DPP9: variants seen among roughly 807,000 people sequenced by gnomAD.
The protein encoded by DPP9 is dipeptidyl peptidase IV-related protein-2.
DPP9 carries 50 observed loss-of-function variants against 110.7 expected under a neutral mutation model. The ratio of observed to expected loss-of-function variants is 0.45; its 90% CI spans 0.36 to 0.57. The LOEUF (loss-of-function observed/expected upper bound fraction) is 0.57, where lower values mean the gene tolerates loss of function less well. Among genes scored for constraint, DPP9 ranks in the 20% least tolerant of loss-of-function variants. The pLI is 0.00. For synonymous variants in DPP9, 561 were observed against 514.4 expected (o/e 1.09, Z -1.23); for missense variants, 1,022 against 1,217.9 (o/e 0.84, Z 2.39).
At position 4,705,961 on chromosome 19, in the gene DPP9, T is replaced by C; in HGVS notation, c.323A>G (p.Tyr108Cys). The C allele has an allele frequency of 6.2e-7, 1 of 1,613,390 alleles. No homozygotes were observed. The highest frequency in any genetic ancestry group is 8.5e-7 in the Non-Finnish European group (1 of 1,179,506). Residue 108 changes from tyrosine to cysteine, a missense_variant, in exon 5 of 22, where the codon TAT becomes TGT. This residue lies in a region of DPP9 where 810 missense variants were observed against 920.6 expected (regional missense o/e 0.88). Transcript: ENST00000262960. ...SHRLYYLGMPYGSRENSLLYS... is the reference protein window; with the variant it reads ...SHRLYYLGMPCGSRENSLLYS... ...GAGGAGGGAGTTCTCTCGGCTGCCATATGGCATTCCTAAAGGGAGAAAGGA... is the reference window on the plus strand; with the variant it reads ...GAGGAGGGAGTTCTCTCGGCTGCCACATGGCATTCCTAAAGGGAGAAAGGA...
chr19:4,715,220 A>G (rs2093025343), intron 3 of DPP9, among the ~76,000 whole-genome samples: 1 of 151,728 alleles, frequency 6.6e-6, no homozygotes, highest in African/African-American at 2.4e-5. Context: ...ACAGGGTTTC[A>G]CTATGTTGGT....
chr19:4,713,305 G>A (rs963337226), intron 4 of DPP9, among the ~76,000 whole-genome samples: 1 of 152,214 alleles, frequency 6.6e-6, no homozygotes, highest in African/African-American at 2.4e-5. Context: ...AAGGCCTCTG[G>A]GTGCAGTGGG....
rs1488742007 is a variant in DPP9 at position 4,689,054 on chromosome 19, A to C, written c.1750-162T>G. Among the ~76,000 whole-genome samples the C allele has an allele frequency of 1.6e-5, 2 of 128,352 alleles. No individual in the cohort carries two copies. The highest frequency in any genetic ancestry group is 5.8e-5 in the African/African-American group (2 of 34,478). The allele number at this position is 128,352 out of a possible 152,430, so 84.2% of individuals were successfully genotyped here. A position where few individuals can be genotyped will look rare whatever the true frequency, so the allele number is the denominator to read the frequency against. ...CTCCACCCGCTGCTGCAAGGGGGGC[A>C]CCACTGCCATCGCCCCATTCTGCAG... is the stretch of plus-strand genomic sequence containing the variant. On this transcript the variant is annotated intron_variant, in intron 15 of 21. Transcript: ENST00000262960. This position sits in a 1 kb window ranked among gnomAD's most constrained non-coding sequence, Gnocchi z 7.0.
At chr19:4,705,091 G>A (rs1198508713) in intron 5 of DPP9, among the ~76,000 whole-genome samples, 1 of 152,210 alleles carries the variant, frequency 6.6e-6, no homozygotes, top group East Asian at 1.9e-4. Context: ...TCAGAGACAG[G>A]CCAAAGTGAG....
chr19:4,710,796 TG>T lies in DPP9; in HGVS notation c.313+3284del, dbSNP rs1428834575. 6.6e-6 allele frequency among the ~76,000 whole-genome samples: 1 copy of T among 152,074 alleles called. No individual in the cohort carries two copies. Among genetic ancestry groups the T allele is most frequent in the Non-Finnish European group, 1.5e-5 (1 of 68,000 alleles). On this transcript the variant is annotated intron_variant, in intron 4 of 21. Coordinates refer to ENST00000262960, the MANE Select transcript of DPP9 (RefSeq NM_139159.5). The surrounding 1 kb of genome is among the most constrained non-coding windows in gnomAD (Gnocchi z 5.6). ...CCCCTGACAGTGTGAAGTGACAGCC[TG>T]GAGTCGTTGAAGGGTGAATTTCACC... is the stretch of plus-strand genomic sequence containing the variant.
At chr19:4,683,316 G>C in intron 19 of DPP9, 161 bp downstream of exon 19, 1 of 1,454,124 alleles carries the variant, frequency 6.9e-7, no homozygotes, top group Non-Finnish European at 9.0e-7. Context: ...GCTCGGCCCC[G>C]TGGGGCTGCT....
Position 4,695,543 on chromosome 19 carries a change from CAT to C in DPP9, c.1186_1187del (p.Met396ValfsTer26). 6.7e-7 allele frequency: 1 copy of C among 1,493,310 alleles called. No individual in the cohort carries two copies. The highest frequency in any genetic ancestry group is 8.9e-7 in the Non-Finnish European group (1 of 1,123,868). 92.5% of individuals were successfully genotyped at this position (1,493,310 alleles called of 1,614,324 possible). ...GCCACTGCTGGGGCCGGTCCAGGAA[CAT>C]GGCCCAGGCGCTAAGGGGGAAGATG... ...WTRDGKYAWA[M>X]FLDRPQQWLQ... On this transcript the variant is annotated frameshift_variant, in exon 12 of 22. Transcript: ENST00000262960. LOFTEE classifies it high-confidence loss of function. The surrounding 1 kb of genome is among the most constrained non-coding windows in gnomAD (Gnocchi z 4.7).
At chr19:4,679,712 G>C in intron 21 of DPP9, 123 bp downstream of exon 21, 1 of 718,054 alleles carries the variant, frequency 1.4e-6, no homozygotes, top group Non-Finnish European at 2.4e-6. Flanking sequence ...GTGGGGGGCT[G>C]GGAGCCCCAG....
rs543837415 is a variant in DPP9 at position 4,716,661 on chromosome 19, A to G, written c.57-2324T>C. ...CAGAAAAAAGAAAAAAAAAAAAGAAAGAAAGATCACGACCTGCAATTGTCA... is the reference window on the plus strand; with the variant it reads ...CAGAAAAAAGAAAAAAAAAAAAGAAGGAAAGATCACGACCTGCAATTGTCA... On this transcript the variant is annotated intron_variant, in intron 3 of 21. Transcript: ENST00000262960. Among the ~76,000 whole-genome samples, 3 of 151,998 alleles carry G rather than the reference A, an allele frequency of 2.0e-5. No homozygotes were observed. In the East Asian group the frequency reaches 5.8e-4, roughly 29 times the overall value.
rs1186120972 is a variant in DPP9, at chr19:4,689,757, C to T, written c.1597-35G>A. ...GACAGGGGATCCTCGTGATGCGTCCCAGATGCCCCTGGGCCCACACCCCTC... is the reference window on the plus strand; with the variant it reads ...GACAGGGGATCCTCGTGATGCGTCCTAGATGCCCCTGGGCCCACACCCCTC... On this transcript the variant is annotated intron_variant, in intron 14 of 21. Coordinates refer to ENST00000262960, the MANE Select transcript of DPP9 (RefSeq NM_139159.5). The surrounding 1 kb of genome is among the most constrained non-coding windows in gnomAD (Gnocchi z 7.0). The T allele has an allele frequency of 1.3e-6, 2 of 1,528,764 alleles. No homozygotes were observed. The highest frequency in any genetic ancestry group is 2.4e-5 in the South Asian group (2 of 82,100). 94.7% of individuals were successfully genotyped at this position (1,528,764 alleles called of 1,614,324 possible).
Position 4,714,187 on chromosome 19 carries a change from G to C in DPP9, c.207C>G (p.Gly69=), listed in dbSNP as rs976381932. ...SWDGLRSIIH[G]SRKYSGLIVN... is the part of the protein sequence containing the mutation. ...CAATGAGGCCCGAGTACTTGCGGCTGCCGTGGATGATGCTCCGGAGCCCGT... is the reference window on the plus strand; with the variant it reads ...CAATGAGGCCCGAGTACTTGCGGCTCCCGTGGATGATGCTCCGGAGCCCGT... The change falls in exon 4 of 22, where the codon GGC becomes GGG. Residue 69 remains glycine, a synonymous_variant. Transcript: ENST00000262960. The C allele has an allele frequency of 6.2e-7, 1 of 1,611,138 alleles. No homozygotes were observed. Among genetic ancestry groups the C allele is most frequent in the Non-Finnish European group, 8.5e-7 (1 of 1,178,838 alleles).
Position 4,684,506 on chromosome 19 carries a change from G to T in DPP9, c.2178+157C>A. The T allele has an allele frequency of 1.3e-6, 1 of 783,116 alleles. No individual in the cohort carries two copies. The allele number at this position is 783,116 out of a possible 1,614,324, so 48.5% of individuals were successfully genotyped here. A position where few individuals can be genotyped will look rare whatever the true frequency, so the allele number is the denominator to read the frequency against. ...AGCAGCAAAGCATACATCCCCTTTT[G>T]TTCTAAAAGGGCGCCTCATTGAGCC... is the stretch of plus-strand genomic sequence containing the variant. On this transcript the variant is annotated intron_variant, in intron 18 of 21. Coordinates refer to ENST00000262960, the MANE Select transcript of DPP9 (RefSeq NM_139159.5). This position sits in a 1 kb window ranked among gnomAD's most constrained non-coding sequence, Gnocchi z 4.8.
chr19:4,721,402 C>T lies in DPP9; in HGVS notation c.-36+1097G>A, dbSNP rs148274548. ...TGCTTTCTTGGATGCCGTCTAAAGT[C>T]AAAGGGGCCCCTTGTTTGGTTGGTG... On this transcript the variant is annotated intron_variant, in intron 2 of 21. Transcript: ENST00000262960. 1.2e-3 allele frequency among the ~76,000 whole-genome samples: 180 copies of T among 152,336 alleles called. 1 individual carries two copies. Among genetic ancestry groups the T allele is most frequent in the African/African-American group, 3.7e-3 (155 of 41,570 alleles).
chr19:4,709,502 T>C (rs1255810341), intron 4 of DPP9, among the ~76,000 whole-genome samples: 2 of 152,170 alleles, frequency 1.3e-5, no homozygotes, highest in African/African-American at 4.8e-5. Context: ...CTAAGAGCCC[T>C]TGAAGCTGCC....
chr19:4,688,007 A>C (rs1283813970), intron 16 of DPP9, among the ~76,000 whole-genome samples: 1 of 152,156 alleles, frequency 6.6e-6, no homozygotes, highest in East Asian at 1.9e-4. Context: ...CGTGTTAGCC[A>C]GGATGGTCTC....
chr19:4,705,193 T>G (rs1347716265), intron 5 of DPP9, among the ~76,000 whole-genome samples: 1 of 152,196 alleles, frequency 6.6e-6, no homozygotes, highest in East Asian at 1.9e-4. Flanking sequence ...TTTATGTTGT[T>G]ACTATGTTAT....
chr19:4,692,442 C>T lies in DPP9; in HGVS notation c.1517-1485G>A, dbSNP rs538649578. On this transcript the variant is annotated intron_variant, in intron 13 of 21. Transcript: ENST00000262960. ...TGGCATCGGGGCCTGGGGAGGAGAG[C>T]GGTTCCCACCCAGCCCCAAGACCCA... Among the ~76,000 whole-genome samples, 12 of 152,224 alleles carry T rather than the reference C, an allele frequency of 7.9e-5. No homozygotes were observed. The South Asian group carries it at 2.1e-3, about 26-fold the overall frequency.
intron 4 of DPP9, among the ~76,000 whole-genome samples, chr19:4,706,556 C>T (rs2145794137): frequency 6.7e-6 from 1 of 148,764 alleles, no homozygotes; most frequent in Middle Eastern, 3.8e-3. Flanking sequence ...TGGCTCACGC[C>T]TGTCATCCCA....
In DPP9 at chr19:4,689,473, G is replaced by T; in HGVS notation, c.1749+97C>A. On this transcript the variant is annotated intron_variant, in intron 15 of 21. Coordinates refer to ENST00000262960, the MANE Select transcript of DPP9 (RefSeq NM_139159.5). This position sits in a 1 kb window ranked among gnomAD's most constrained non-coding sequence, Gnocchi z 7.0. ...CAGCTATGAGAATGCGAGACCATGA[G>T]AATGACCCTGAGTGCTGTGCCGGGC... 1 of 1,432,524 alleles carries T rather than the reference G, an allele frequency of 7.0e-7. No individual in the cohort carries two copies. Among genetic ancestry groups the T allele is most frequent in the Non-Finnish European group, 9.3e-7 (1 of 1,075,608 alleles). 88.7% of individuals were successfully genotyped at this position (1,432,524 alleles called of 1,614,324 possible).
Sources: allele counts gnomAD v4.1 joint callset (sites outside exome capture counted in the v4.1 genomes callset), GRCh38; gene constraint gnomAD v4.1.1; regional missense constraint gnomAD v4.1.1; non-coding constraint Gnocchi (gnomAD v3.1); transcripts MANE v1.5; gene names NCBI Gene and HGNC (gene_info 2026-07-23, HGNC 2026-07-21).